Variants in RIMS1 observed in about 807,000 individuals in gnomAD.
RIMS1 encodes the protein regulating synaptic membrane exocytosis 1, also known as regulating synaptic membrane exocytosis protein 1.
Under a neutral mutation model 214.1 loss-of-function variants are expected in RIMS1, and 83 were observed. The ratio of observed to expected loss-of-function variants is 0.39; its 90% CI spans 0.32 to 0.47. RIMS1 has a LOEUF of 0.47. Ranked by LOEUF, RIMS1 falls within the 20% of genes least tolerant of loss-of-function variation. The pLI, the probability that RIMS1 is intolerant of heterozygous loss-of-function variation, is 0.99. For missense variants in RIMS1, 2,050 were observed against 2,161.8 expected, an observed-to-expected ratio of 0.95 and a Z score of 1.03; for synonymous variants, 793 against 786.8, an observed-to-expected ratio of 1.01 and a Z score of -0.13.
intron 1 of RIMS1, among the ~76,000 whole-genome samples, chr6:71,928,161 T>C (rs1782065917): frequency 6.6e-6 from 1 of 152,174 alleles, no homozygotes; most frequent in Non-Finnish European, 1.5e-5. Flanking sequence ...ATTCTTTGCA[T>C]ATATAAACAA....
intron 28 of RIMS1, among the ~76,000 whole-genome samples, chr6:72,322,928 A>G (rs1397533484): frequency 6.6e-6 from 1 of 152,072 alleles, no homozygotes; most frequent in African/African-American, 2.4e-5. Context: ...TGCACAGGGA[A>G]GTTTCCAGGA....
Position 71,968,998 on chromosome 6 carries a change from C to T in RIMS1, c.180C>T (p.Asp60=). The T allele has an allele frequency of 6.2e-7, 1 of 1,614,014 alleles. No homozygotes were observed. Among genetic ancestry groups the T allele is most frequent in the Non-Finnish European group, 8.5e-7 (1 of 1,179,862 alleles). ...TGCGCCCCAGGTGTGTTGTCAGGGA[C>T]ATGGCGAAGCCTGCTGCCTGCAAAA... The part of the protein sequence containing the change: ...EEAMLKCVVR[D]MAKPAACKTP... Residue 60 remains aspartate (D), a synonymous_variant, in exon 2 of 34, where the codon GAC becomes GAT. Transcript: ENST00000521978.
At chr6:72,288,425 C>T (rs1440571103) in intron 24 of RIMS1, among the ~76,000 whole-genome samples, 3 of 152,110 alleles carry the variant, frequency 2.0e-5, no homozygotes, top group African/African-American at 7.2e-5. Context: ...TATTGATGCT[C>T]AGTAAGGAAT....
chr6:72,049,403 C>G (rs574681707), intron 2 of RIMS1, among the ~76,000 whole-genome samples: 4 of 152,242 alleles, frequency 2.6e-5, no homozygotes, highest in African/African-American at 7.2e-5. Flanking sequence ...GCATCCATCA[C>G]AAATTGCAAC....
Position 72,400,853 on chromosome 6 carries a change from T to A in RIMS1, c.*139T>A. ...CCTGTAGTAGTTTTTCAATAATATG[T>A]CCCAATTGTTATTTAAAACATGGCT... On this transcript the variant is annotated 3_prime_UTR_variant, in exon 34 of 34. Transcript: ENST00000521978. The A allele has an allele frequency of 4.7e-6, 3 of 644,700 alleles. No homozygotes were observed. The allele number at this position is 644,700 out of a possible 1,614,324, so 39.9% of individuals were successfully genotyped here.
chr6:72,398,174 C>T (rs760497384), intron 31 of RIMS1, 75 bp from the exon 32 acceptor site: 52 of 848,932 alleles, frequency 6.1e-5, no homozygotes, highest in East Asian at 6.1e-4. Flanking sequence ...TAGTCTGTTA[C>T]GGGCTCTCCT....
intron 29 of RIMS1, among the ~76,000 whole-genome samples, chr6:72,373,638 T>C (rs1193078597): frequency 6.6e-6 from 1 of 152,212 alleles, no homozygotes; most frequent in Admixed American, 6.5e-5. Context: ...CATTCTTATC[T>C]CACATTTTGT....
chr6:72,055,148 A>C (rs2152191365), intron 2 of RIMS1, among the ~76,000 whole-genome samples: 1 of 152,292 alleles, frequency 6.6e-6, no homozygotes, highest in Admixed American at 6.5e-5. Flanking sequence ...TAATAGAGGG[A>C]CATTTGAGAA....
intron 16 of RIMS1, among the ~76,000 whole-genome samples, chr6:72,256,801 A>G (rs1249156899): frequency 6.6e-6 from 1 of 151,952 alleles, no homozygotes; most frequent in Non-Finnish European, 1.5e-5. Context: ...ACAATATAAT[A>G]TTACATCTGA....
intron 2 of RIMS1, among the ~76,000 whole-genome samples, chr6:71,984,810 TATCTATC>T (rs1364479770): frequency 1.5e-5 from 2 of 134,334 alleles, no homozygotes; most frequent in African/African-American, 5.4e-5. Context: ...TCTATCTATC[TATCTATC>T]TATTATGTTT....
intron 4 of RIMS1, among the ~76,000 whole-genome samples, chr6:72,137,140 A>G (rs1461633975): frequency 1.3e-5 from 2 of 152,114 alleles, no homozygotes; most frequent in Non-Finnish European, 2.9e-5. Flanking sequence ...ATAAATTTGA[A>G]AAATCCCATA....
In RIMS1 at chr6:72,392,736, A is replaced by T; in HGVS notation, c.4544A>T (p.Gln1515Leu). 1 of 1,613,774 alleles carries T rather than the reference A, an allele frequency of 6.2e-7. No homozygotes were observed. Among genetic ancestry groups the T allele is most frequent in the South Asian group, 1.1e-5 (1 of 91,076 alleles). Residue 1515 changes from glutamine to leucine, a missense_variant, in exon 31 of 34, where the codon CAA becomes CTA. Coordinates refer to ENST00000521978, the MANE Select transcript of RIMS1 (RefSeq NM_014989.7). ...GGAGTGCGACTGGGAGCTGACAGTC[A>T]ATTCAGTGATTTTCTTGATGGATTG... ...FPGVRLGADSQFSDFLDGLGP... is the reference protein window; with the variant it reads ...FPGVRLGADSLFSDFLDGLGP...
At chr6:72,216,011 A>G (rs1292709473) in intron 6 of RIMS1, among the ~76,000 whole-genome samples, 2 of 152,246 alleles carry the variant, frequency 1.3e-5, no homozygotes, top group Admixed American at 6.5e-5. Context: ...TTTCTAAAAC[A>G]AAGTAGAAGC....
intron 2 of RIMS1, among the ~76,000 whole-genome samples, chr6:72,063,305 C>T (rs1225287997): frequency 6.6e-6 from 1 of 152,094 alleles, no homozygotes; most frequent in Non-Finnish European, 1.5e-5. Context: ...AGCCCTCAGG[C>T]ACAGAAATGC....
intron 22 of RIMS1, among the ~76,000 whole-genome samples, chr6:72,269,786 A>C (rs2082162248): frequency 6.6e-6 from 1 of 152,116 alleles, no homozygotes; most frequent in African/African-American, 2.4e-5. Context: ...AAGTTCTAAT[A>C]GTCTTTATTA....
At chr6:72,250,791 TATC>T (rs1230142488) in intron 13 of RIMS1, 127 bp from the exon 14 acceptor site, 1 of 596,790 alleles carries the variant, frequency 1.7e-6, no homozygotes, top group Non-Finnish European at 2.9e-6. Context: ...TAAACTCTAT[TATC>T]TTTTTATAGA....
chr6:72,098,594 C>T (rs944816642), intron 3 of RIMS1, among the ~76,000 whole-genome samples: 17 of 152,042 alleles, frequency 1.1e-4, no homozygotes, highest in African/African-American at 3.4e-4. Flanking sequence ...TGCACCTGGC[C>T]GATCAATATA....
chr6:72,252,645 C>T, intron 15 of RIMS1, 116 bp from the exon 16 acceptor site: 2 of 769,272 alleles, frequency 2.6e-6, no homozygotes, highest in Non-Finnish European at 4.6e-6. Flanking sequence ...CTGTATTAGT[C>T]TTCATAAGTT....
intron 6 of RIMS1, among the ~76,000 whole-genome samples, chr6:72,191,079 T>C (rs1385739036): frequency 1.3e-5 from 2 of 152,216 alleles, no homozygotes; most frequent in African/African-American, 2.4e-5. Context: ...CTGGATCATA[T>C]GAACCAAGTG....
Sources: gnomAD v4.1 joint callset for allele counts (sites outside exome capture counted in the v4.1 genomes callset) on GRCh38, gnomAD v4.1.1 for gene constraint, MANE v1.5 for transcripts, NCBI Gene and HGNC (gene_info 2026-07-23, HGNC 2026-07-21) for gene names.